PPIP5K2: variants seen among roughly 807,000 people sequenced by gnomAD.
The protein encoded by PPIP5K2 is diphosphoinositol pentakisphosphate kinase 2, also known as inositol hexakisphosphate and diphosphoinositol-pentakisphosphate kinase 2.
In PPIP5K2, 105 loss-of-function variants were observed where a neutral mutation model predicts 154.6. The ratio of observed to expected loss-of-function variants is 0.68; its 90% CI spans 0.58 to 0.80. PPIP5K2 has a LOEUF of 0.80. Among genes scored for constraint, PPIP5K2 ranks in the 30% least tolerant of loss-of-function variants. The probability of loss-of-function intolerance (pLI) is 0.00; values close to 1 mark genes in which losing one functional copy is unlikely to be tolerated. For synonymous variants in PPIP5K2, 480 were observed against 490.3 expected (o/e 0.98, Z 0.28); for missense variants, 992 against 1,504.6 (o/e 0.66, Z 5.64).
intron 29 of PPIP5K2, among the ~76,000 whole-genome samples, chr5:103,193,781 G>A: frequency 6.6e-6 from 1 of 152,088 alleles, no homozygotes. Flanking sequence ...CCACATCTTG[G>A]TTTTCAAAAG....
At chr5:103,178,024 G>C (rs1554221581) in intron 23 of PPIP5K2, 44 bp downstream of exon 23, 1 of 1,197,570 alleles carries the variant, frequency 8.4e-7, no homozygotes. Context: ...TACAGTTCTA[G>C]ATTTTCATGA....
At chr5:103,198,347 TA>T (rs555476642) in intron 30 of PPIP5K2, among the ~76,000 whole-genome samples, 265 of 152,328 alleles carry the variant, frequency 1.7e-3, no homozygotes, top group African/African-American at 6.1e-3. Context: ...ATGTTTATCT[TA>T]TAGTTCATTG....
At chr5:103,135,573 G>T (rs964445438) in intron 3 of PPIP5K2, among the ~76,000 whole-genome samples, 7 of 152,038 alleles carry the variant, frequency 4.6e-5, no homozygotes, top group African/African-American at 1.7e-4. Flanking sequence ...TAGAACTACA[G>T]GTTGCACCAC....
chr5:103,140,632 G>A (rs1454124844), intron 5 of PPIP5K2, among the ~76,000 whole-genome samples: 4 of 151,782 alleles, frequency 2.6e-5, no homozygotes, highest in Admixed American at 6.6e-5. Flanking sequence ...GGCGGATCAC[G>A]AGGTCAGGAG....
intron 30 of PPIP5K2, among the ~76,000 whole-genome samples, chr5:103,199,566 G>A (rs775719714): frequency 6.6e-6 from 1 of 150,856 alleles, no homozygotes; most frequent in African/African-American, 2.4e-5. Flanking sequence ...TGCTTTCAAT[G>A]TTTTCTCTTT....
In PPIP5K2 at chr5:103,208,912, A is replaced by G. The variant is rs1001243087; in HGVS notation, c.*7278A>G. On this transcript the variant is annotated 3_prime_UTR_variant, in exon 31 of 31. Coordinates refer to ENST00000358359, the MANE Select transcript of PPIP5K2 (RefSeq NM_001276277.3). ...TATTTGATGATAATTTTTTAAATTA[A>G]GACCTAATTTCTCCTTCATTTTCAA... 7 of 152,188 alleles carry G rather than the reference A, an allele frequency of 4.6e-5. No homozygotes were observed. Among genetic ancestry groups the G allele is most frequent in the Admixed American group, 6.5e-5 (1 of 15,274 alleles). 9.4% of individuals were successfully genotyped at this position (152,188 alleles called of 1,614,324 possible).
rs1406005092 is a variant in PPIP5K2 at position 103,202,088 on chromosome 5, A to G, written c.*454A>G. The G allele has an allele frequency of 6.5e-6, 1 of 153,746 alleles. No homozygotes were observed. Among genetic ancestry groups the G allele is most frequent in the Admixed American group, 6.5e-5 (1 of 15,320 alleles). The allele number at this position is 153,746 out of a possible 1,614,324, so 9.5% of individuals were successfully genotyped here. On this transcript the variant is annotated 3_prime_UTR_variant, in exon 31 of 31. Coordinates refer to ENST00000358359, the MANE Select transcript of PPIP5K2 (RefSeq NM_001276277.3). ...TAAAGTGTCTTTCCAAAGAGATTTC[A>G]TTAACCGTTTAGATTAGAATATCTT...
chr5:103,144,775 A>G (rs991708597), intron 5 of PPIP5K2, among the ~76,000 whole-genome samples: 5 of 152,182 alleles, frequency 3.3e-5, no homozygotes, highest in Non-Finnish European at 1.5e-5. Flanking sequence ...AATGGATTAA[A>G]TACTTAAATC....
intron 11 of PPIP5K2, 115 bp from the exon 12 acceptor site, chr5:103,154,555 C>T: frequency 1.6e-6 from 1 of 626,120 alleles, no homozygotes; most frequent in Non-Finnish European, 2.6e-6. Flanking sequence ...TACTTGAAAT[C>T]CTTAGATCCC....
chr5:103,168,010 T>C, intron 18 of PPIP5K2, 62 bp from the exon 19 acceptor site: 1 of 1,045,720 alleles, frequency 9.6e-7, no homozygotes, highest in South Asian at 1.5e-5. Flanking sequence ...TATTAACATA[T>C]TAATATATAT....
intron 24 of PPIP5K2, among the ~76,000 whole-genome samples, chr5:103,182,859 G>C (rs1279613026): frequency 5.9e-5 from 9 of 151,938 alleles, no homozygotes; most frequent in African/African-American, 2.2e-4. Flanking sequence ...CTTAAATTAA[G>C]CAGAAAACCT....
rs992687862 is a variant in PPIP5K2, at chr5:103,210,158, C to T, written c.*8524C>T. 6.6e-6 allele frequency: 1 copy of T among 152,126 alleles called. No individual in the cohort carries two copies. Among genetic ancestry groups the T allele is most frequent in the African/African-American group, 2.4e-5 (1 of 41,436 alleles). 9.4% of individuals were successfully genotyped at this position (152,126 alleles called of 1,614,324 possible). On this transcript the variant is annotated 3_prime_UTR_variant, in exon 31 of 31. Transcript: ENST00000358359. Reference sequence around the variant, plus strand: ...TATTGGAAGCGAATGGAGTTGACTTCACCAGTGGGAAAAGCAATTACTTTT... The same window carrying T: ...TATTGGAAGCGAATGGAGTTGACTTTACCAGTGGGAAAAGCAATTACTTTT...
intron 30 of PPIP5K2, among the ~76,000 whole-genome samples, chr5:103,197,221 A>G (rs1206977116): frequency 2.0e-5 from 3 of 151,974 alleles, no homozygotes; most frequent in African/African-American, 7.2e-5. Context: ...AGTGCTTTCT[A>G]TTTTCTGAAA....
At position 103,190,934 on chromosome 5, in the gene PPIP5K2, T is replaced by A. The variant is rs782726451; in HGVS notation, c.3445T>A (p.Ser1149Thr). The A allele has an allele frequency of 6.2e-6, 10 of 1,610,768 alleles. No individual in the cohort carries two copies. The highest frequency in any genetic ancestry group is 6.8e-6 in the Non-Finnish European group (8 of 1,178,150). ...AAAGCAAGTGGATGAATTTCTTGCT[T>A]CCATTGCTTCTCCATCATCTGACGT... ...SLKQVDEFLA[S>T]IASPSSDVPR... The change falls in exon 29 of 31, where the codon TCC becomes ACC. Residue 1149 changes from serine to threonine, a missense_variant. By Grantham distance (58) the Ser-to-Thr change is moderately conservative. This residue lies in a region of PPIP5K2 where 131 missense variants were observed against 117.8 expected (regional missense o/e 1.11). Transcript: ENST00000358359.
intron 1 of PPIP5K2, among the ~76,000 whole-genome samples, chr5:103,124,034 A>G (rs1789213920): frequency 1.3e-5 from 2 of 152,152 alleles, no homozygotes; most frequent in African/African-American, 4.8e-5. Flanking sequence ...TAATCCCAGC[A>G]CTTTGGGAGG....
Position 103,194,907 on chromosome 5 carries a change from A to G in PPIP5K2, c.3501A>G (p.Thr1167=). ...VPRKTAEISS[T]ALRSSPIMRK... is the part of the protein sequence containing the mutation. ...TTGTTTATTTTTTTTCAGCCTCTACAGCTTTACGTTCCAGTCCAATAATGA... is the reference window on the plus strand; with the variant it reads ...TTGTTTATTTTTTTTCAGCCTCTACGGCTTTACGTTCCAGTCCAATAATGA... Residue 1167 remains threonine (T), a synonymous_variant, in exon 30 of 31, where the codon ACA becomes ACG. Transcript: ENST00000358359. The G allele has an allele frequency of 6.2e-7, 1 of 1,611,672 alleles. No individual in the cohort carries two copies. Among genetic ancestry groups the G allele is most frequent in the Non-Finnish European group, 8.5e-7 (1 of 1,178,972 alleles).
At chr5:103,183,206 T>TACCCCA in intron 24 of PPIP5K2, 28 bp from the exon 25 acceptor site, 1 of 919,482 alleles carries the variant, frequency 1.1e-6, no homozygotes, top group Non-Finnish European at 1.4e-6. Flanking sequence ...TTTTTTTTTT[T>TACCCCA]TTTTTTTGCC....
At chr5:103,121,244 A>AT (rs1422134841) in intron 1 of PPIP5K2, among the ~76,000 whole-genome samples, 3 of 152,288 alleles carry the variant, frequency 2.0e-5, no homozygotes, top group East Asian at 3.9e-4. Context: ...GAAATAGATA[A>AT]TTTTTTTGTC....
At chr5:103,161,668 G>A (rs1428679683) in intron 17 of PPIP5K2, among the ~76,000 whole-genome samples, 1 of 152,138 alleles carries the variant, frequency 6.6e-6, no homozygotes. Context: ...GGTGTGAGAT[G>A]GTATCTCATT....
Sources: allele counts gnomAD v4.1 joint callset (sites outside exome capture counted in the v4.1 genomes callset), GRCh38; gene constraint gnomAD v4.1.1; regional missense constraint gnomAD v4.1.1; transcripts MANE v1.5; gene names NCBI Gene and HGNC (gene_info 2026-07-23, HGNC 2026-07-21).